The following NPAS3 variants were observed in gnomAD, a reference collection of about 807,000 sequenced individuals.
NPAS3 encodes the protein neuronal PAS domain-containing protein 3.
Under a neutral mutation model 73.1 loss-of-function variants are expected in NPAS3, and 14 were observed. The ratio of observed to expected loss-of-function variants is 0.19; its 90% CI spans 0.13 to 0.30. The LOEUF (loss-of-function observed/expected upper bound fraction) is 0.30. Ranked by LOEUF, NPAS3 falls within the 10% of genes least tolerant of loss-of-function variation. The pLI, the probability that NPAS3 is intolerant of heterozygous loss-of-function variation, is 1.00. For synonymous variants in NPAS3, 620 were observed against 541.5 expected, an observed-to-expected ratio of 1.14 and a Z score of -2.01; for missense variants, 1,096 against 1,250.0, an observed-to-expected ratio of 0.88 and a Z score of 1.86.
chr14:33,275,907 T>C (rs930103782), intron 3 of NPAS3, among the ~76,000 whole-genome samples: 3 of 152,200 alleles, frequency 2.0e-5, no homozygotes, highest in African/African-American at 7.2e-5. Context: ...GATAAATATA[T>C]GCTCTATAAC....
intron 4 of NPAS3, among the ~76,000 whole-genome samples, chr14:33,383,088 TAAAAAA>T (rs34877774): frequency 7.7e-5 from 8 of 104,290 alleles, no homozygotes; most frequent in South Asian, 3.2e-4. Flanking sequence ...GACCCTGTCT[TAAAAAA>T]AAAAAAAAAA....
At chr14:33,484,763 A>G (rs902947880) in intron 4 of NPAS3, among the ~76,000 whole-genome samples, 1 of 152,170 alleles carries the variant, frequency 6.6e-6, no homozygotes, top group African/African-American at 2.4e-5. Context: ...AGAGATCTCT[A>G]CTGATCGGCC....
intron 2 of NPAS3, among the ~76,000 whole-genome samples, chr14:33,150,488 A>G (rs915076618): frequency 6.6e-6 from 1 of 152,232 alleles, no homozygotes; most frequent in Non-Finnish European, 1.5e-5. Flanking sequence ...CTCACCAAAT[A>G]TTGATCATCT....
rs1044637768 is a variant in NPAS3, at chr14:33,579,883, T to C, written c.558+19673T>C. ...AAAGTTCAAGCAGAAATACAGATGT[T>C]TGAAAGCATCTGGATGTTTGGTATC... On this transcript the variant is annotated intron_variant, in intron 5 of 11. Transcript: ENST00000356141. Among the ~76,000 whole-genome samples, 33 of 152,314 alleles carry C rather than the reference T, an allele frequency of 2.2e-4. No individual in the cohort carries two copies. The Middle Eastern group carries it at 0.014, about 63-fold the overall frequency.
At chr14:33,534,982 A>G (rs949683844) in intron 4 of NPAS3, among the ~76,000 whole-genome samples, 9 of 152,214 alleles carry the variant, frequency 5.9e-5, no homozygotes, top group African/African-American at 2.2e-4. Context: ...GGAACATATT[A>G]GCAAGGAGCA....
intron 6 of NPAS3, among the ~76,000 whole-genome samples, chr14:33,693,290 C>T (rs954098879): frequency 4.6e-5 from 7 of 152,146 alleles, no homozygotes; most frequent in Admixed American, 4.6e-4. Context: ...ACTGTTATGA[C>T]CAATCCCTGT....
intron 2 of NPAS3, among the ~76,000 whole-genome samples, chr14:33,182,996 A>G (rs911505097): frequency 6.0e-5 from 9 of 151,074 alleles, no homozygotes; most frequent in Admixed American, 2.0e-4. Context: ...TTTGTGGACA[A>G]CTCCCTTCTT....
At chr14:33,356,381 T>G (rs1022245087) in intron 3 of NPAS3, among the ~76,000 whole-genome samples, 1 of 152,236 alleles carries the variant, frequency 6.6e-6, no homozygotes, top group Non-Finnish European at 1.5e-5. Flanking sequence ...ACCTTCATTA[T>G]CTCTTTTTCC....
At chr14:32,934,933 A>C (rs546401880), upstream of NPAS3, 583 of 1,157,290 alleles carry the variant, frequency 5.0e-4, 1 homozygote, top group Middle Eastern at 0.011. The surrounding 1 kb of genome is among the most constrained non-coding windows in gnomAD (Gnocchi z 4.1). Flanking sequence ...CGGCGCGGGC[A>C]TGGGGAGGGC....
chr14:33,645,653 G>T (rs1431450858), intron 5 of NPAS3, among the ~76,000 whole-genome samples: 1 of 152,204 alleles, frequency 6.6e-6, no homozygotes, highest in Non-Finnish European at 1.5e-5. Context: ...CTGGTGGGTT[G>T]CCTTCCAGCC....
At chr14:33,353,801 A>G (rs1332179851) in intron 3 of NPAS3, among the ~76,000 whole-genome samples, 1 of 152,212 alleles carries the variant, frequency 6.6e-6, no homozygotes, top group Non-Finnish European at 1.5e-5. Flanking sequence ...ATGGAGACTC[A>G]TTAACAGTGG....
rs757215038 is a variant in NPAS3 at position 33,800,821 on chromosome 14, G to A, written c.2514G>A (p.Leu838=). 6 of 1,602,172 alleles carry A rather than the reference G, an allele frequency of 3.7e-6. No individual in the cohort carries two copies. The highest frequency in any genetic ancestry group is 4.5e-5 in the East Asian group (2 of 44,410). ...GCTACGCGCCCGCCGAGGTGACCCTGGCCATGCAGAGCAACCTGCTGCCCA... is the reference window on the plus strand; with the variant it reads ...GCTACGCGCCCGCCGAGGTGACCCTAGCCATGCAGAGCAACCTGCTGCCCA... Residue 838 remains leucine (L), a synonymous_variant, in exon 12 of 12, where the codon CTG becomes CTA. Transcript: ENST00000356141. This position sits in a 1 kb window ranked among gnomAD's most constrained non-coding sequence, Gnocchi z 6.5.
rs146016982 is a variant in NPAS3, at chr14:33,348,411, A to C, written c.386-18775A>C. Reference sequence around the variant, plus strand: ...AAATGTCTTTAAACCCTATGTAGATAGGGAAAACTCTTGATATTACTGAAA... The same window carrying C: ...AAATGTCTTTAAACCCTATGTAGATCGGGAAAACTCTTGATATTACTGAAA... On this transcript the variant is annotated intron_variant, in intron 3 of 11. Coordinates refer to ENST00000356141, the Ensembl canonical transcript of NPAS3. Among the ~76,000 whole-genome samples the C allele has an allele frequency of 3.3e-5, 5 of 152,294 alleles. No individual in the cohort carries two copies. The East Asian group carries it at 7.7e-4, about 23-fold the overall frequency.
chr14:33,773,114 C>A (rs920165079), intron 7 of NPAS3, among the ~76,000 whole-genome samples: 7 of 152,124 alleles, frequency 4.6e-5, no homozygotes, highest in African/African-American at 1.7e-4. Context: ...AAAGGAATTG[C>A]CAGTGGAGCC....
At chr14:33,190,324 G>T (rs568088277) in intron 2 of NPAS3, among the ~76,000 whole-genome samples, 1 of 152,294 alleles carries the variant, frequency 6.6e-6, no homozygotes, top group African/African-American at 2.4e-5. Context: ...AATAAGGTGA[G>T]GTTTATATGT....
At chr14:33,262,161 C>G (rs1299721346) in intron 3 of NPAS3, among the ~76,000 whole-genome samples, 1 of 152,198 alleles carries the variant, frequency 6.6e-6, no homozygotes, top group Non-Finnish European at 1.5e-5. Context: ...AGCAGGCATG[C>G]AACCCTGATG....
At chr14:33,521,884 C>T (rs748658629) in intron 4 of NPAS3, among the ~76,000 whole-genome samples, 7 of 152,190 alleles carry the variant, frequency 4.6e-5, no homozygotes, top group African/African-American at 4.8e-5. Flanking sequence ...CTTGACTTGC[C>T]GCCGGAGCTT....
At chr14:33,125,337 T>G (rs892094954) in intron 2 of NPAS3, among the ~76,000 whole-genome samples, 4 of 152,054 alleles carry the variant, frequency 2.6e-5, no homozygotes, top group Non-Finnish European at 4.4e-5. Flanking sequence ...AGAGTGAAAT[T>G]TATCTTCAGG....
intron 4 of NPAS3, among the ~76,000 whole-genome samples, chr14:33,478,847 G>A (rs1398600499): frequency 6.6e-6 from 1 of 152,256 alleles, no homozygotes; most frequent in African/African-American, 2.4e-5. Context: ...GGGTTGAAAA[G>A]CCTTTTACCC....
Sources: gnomAD v4.1 joint callset for allele counts (sites outside exome capture counted in the v4.1 genomes callset) on GRCh38, gnomAD v4.1.1 for gene constraint, Gnocchi (gnomAD v3.1) non-coding constraint, MANE v1.5 for transcripts, NCBI Gene and HGNC (gene_info 2026-07-23, HGNC 2026-07-21) for gene names.